PPP6R3: variants seen among roughly 807,000 people sequenced by gnomAD.
PPP6R3 encodes the protein serine/threonine-protein phosphatase 6 regulatory subunit 3.
PPP6R3 carries 38 observed loss-of-function variants against 110.7 expected under a neutral mutation model. The ratio of observed to expected loss-of-function variants is 0.34; its 90% confidence interval spans 0.26 to 0.45. The LOEUF is 0.45. Among genes scored for constraint, PPP6R3 ranks in the 20% least tolerant of loss-of-function variants. The probability of loss-of-function intolerance (pLI) is 1.00; values close to 1 mark genes in which losing one functional copy is unlikely to be tolerated. For synonymous variants in PPP6R3, 369 were observed against 373.5 expected (o/e 0.99, Z 0.14); for missense variants, 870 against 1,062.4 (o/e 0.82, Z 2.52).
chr11:68,490,918 G>A (rs948084112), intron 1 of PPP6R3, among the ~76,000 whole-genome samples: 7 of 152,106 alleles, frequency 4.6e-5, no homozygotes, highest in Non-Finnish European at 1.0e-4. Flanking sequence ...GCTAGTGGCC[G>A]GGCATGGCCT....
At chr11:68,486,421 C>T (rs1003279676) in intron 1 of PPP6R3, among the ~76,000 whole-genome samples, 14 of 151,966 alleles carry the variant, frequency 9.2e-5, no homozygotes, top group East Asian at 1.9e-4. Context: ...CTGGCTAACA[C>T]GGTGAAACCC....
intron 1 of PPP6R3, among the ~76,000 whole-genome samples, chr11:68,471,128 C>T (rs944498798): frequency 6.6e-6 from 1 of 151,370 alleles, no homozygotes; most frequent in African/African-American, 2.4e-5. Flanking sequence ...AAAAAAAATA[C>T]AAAAAAATTA....
intron 1 of PPP6R3, among the ~76,000 whole-genome samples, chr11:68,505,664 A>G (rs1246436342): frequency 6.6e-6 from 1 of 152,208 alleles, no homozygotes; most frequent in African/African-American, 2.4e-5. Flanking sequence ...TAAGTAGTTA[A>G]AATTAATTTA....
At chr11:68,491,104 T>A (rs2098981183) in intron 1 of PPP6R3, among the ~76,000 whole-genome samples, 1 of 152,054 alleles carries the variant, frequency 6.6e-6, no homozygotes, top group Admixed American at 6.6e-5. Context: ...GGAGGATCAC[T>A]TGAGCCTAGG....
At chr11:68,533,422 G>A (rs76165258) in intron 2 of PPP6R3, among the ~76,000 whole-genome samples, 1 of 151,998 alleles carries the variant, frequency 6.6e-6, no homozygotes, top group Non-Finnish European at 1.5e-5. Context: ...GGAGCAAAAG[G>A]AATTAGCTGG....
intron 9 of PPP6R3, among the ~76,000 whole-genome samples, chr11:68,566,235 A>ACGG (rs1249834033): frequency 8.1e-6 from 1 of 123,090 alleles, no homozygotes; most frequent in African/African-American, 3.1e-5. Context: ...CACCACCACC[A>ACGG]CGGCTGCTGC....
intron 14 of PPP6R3, among the ~76,000 whole-genome samples, chr11:68,576,895 T>C (rs1405039230): frequency 6.6e-6 from 1 of 152,210 alleles, no homozygotes; most frequent in Non-Finnish European, 1.5e-5. Flanking sequence ...AAGCAGGCTC[T>C]GAAAGCCAGA....
chr11:68,468,201 C>G (rs950805626), intron 1 of PPP6R3, among the ~76,000 whole-genome samples: 3 of 152,194 alleles, frequency 2.0e-5, no homozygotes, highest in Non-Finnish European at 2.9e-5. Context: ...CTATTTGTTT[C>G]AAGAGTGACA....
intron 1 of PPP6R3, among the ~76,000 whole-genome samples, chr11:68,487,561 C>G (rs759360075): frequency 4.0e-5 from 6 of 149,874 alleles, no homozygotes; most frequent in Non-Finnish European, 7.4e-5. Context: ...CACAGCAAGA[C>G]TGCCTCAAAA....
At chr11:68,567,485 T>C (rs904816334) in intron 10 of PPP6R3, among the ~76,000 whole-genome samples, 1 of 152,240 alleles carries the variant, frequency 6.6e-6, no homozygotes, top group African/African-American at 2.4e-5. Flanking sequence ...TGTTCATATT[T>C]AGTGAGGGGA....
chr11:68,465,681 G>A (rs1287854926), intron 1 of PPP6R3, among the ~76,000 whole-genome samples: 1 of 152,166 alleles, frequency 6.6e-6, no homozygotes, highest in Admixed American at 6.5e-5. Flanking sequence ...GGGATTCACT[G>A]ATGAACAGGC....
At chr11:68,535,799 TA>T (rs1269536453) in intron 2 of PPP6R3, among the ~76,000 whole-genome samples, 1,814 of 78,406 alleles carry the variant, frequency 0.023, 14 homozygotes, top group African/African-American at 0.035. Flanking sequence ...CCGTCTCTAC[TA>T]AAAAAAAAAA....
intron 1 of PPP6R3, among the ~76,000 whole-genome samples, chr11:68,469,190 A>G (rs1188338355): frequency 6.6e-6 from 1 of 152,242 alleles, no homozygotes; most frequent in Admixed American, 6.5e-5. Context: ...CAATCTGTAA[A>G]CAAATGAAGG....
intron 1 of PPP6R3, among the ~76,000 whole-genome samples, chr11:68,515,632 C>G (rs1011355197): frequency 1.2e-4 from 19 of 152,156 alleles, no homozygotes; most frequent in Non-Finnish European, 2.8e-4. Context: ...TTGTGTCTTT[C>G]GAGATTATGA....
intron 7 of PPP6R3, among the ~76,000 whole-genome samples, chr11:68,557,664 G>A (rs1412552469): frequency 2.0e-5 from 3 of 152,212 alleles, no homozygotes; most frequent in Non-Finnish European, 4.4e-5. Flanking sequence ...GATGACAGGC[G>A]TGCACCACGA....
At position 68,562,319 on chromosome 11, in the gene PPP6R3, C is replaced by T. The variant is rs528478859; in HGVS notation, c.846-1984C>T. Among the ~76,000 whole-genome samples, 4 of 152,238 alleles carry T rather than the reference C, an allele frequency of 2.6e-5. No individual in the cohort carries two copies. In the South Asian group the frequency reaches 8.3e-4, roughly 32 times the overall value. ...TGACCTACATAAATGGAGAGAAATACTCTGTTCATGGATTAGAAGACTCAG... is the reference window on the plus strand; with the variant it reads ...TGACCTACATAAATGGAGAGAAATATTCTGTTCATGGATTAGAAGACTCAG... On this transcript the variant is annotated intron_variant, in intron 8 of 23. Transcript: ENST00000393800.
chr11:68,477,741 A>AAAAAAAAAATATATATATAT, intron 1 of PPP6R3, among the ~76,000 whole-genome samples: 1 of 57,894 alleles, frequency 1.7e-5, no homozygotes, highest in African/African-American at 7.1e-5. Flanking sequence ...AAAAAAAAAA[A>AAAAAAAAAATATATATATAT]ATATATATAT....
intron 1 of PPP6R3, among the ~76,000 whole-genome samples, chr11:68,490,730 A>G (rs995933948): frequency 2.0e-5 from 3 of 151,680 alleles, no homozygotes; most frequent in South Asian, 4.2e-4. Flanking sequence ...TGTTTAGCCT[A>G]CTGATAGATC....
chr11:68,582,228 C>T (rs1278379648), intron 14 of PPP6R3, among the ~76,000 whole-genome samples: 1 of 152,208 alleles, frequency 6.6e-6, no homozygotes, highest in Non-Finnish European at 1.5e-5. Context: ...AAATATAGTA[C>T]TTCTTTCTAG....
Sources: gnomAD v4.1 joint callset for allele counts (sites outside exome capture counted in the v4.1 genomes callset) on GRCh38, gnomAD v4.1.1 for gene constraint, MANE v1.5 for transcripts, NCBI Gene and HGNC (gene_info 2026-07-23, HGNC 2026-07-21) for gene names.